Variants in MINAR2 observed in about 807,000 individuals in gnomAD.
MINAR2 encodes membrane integral NOTCH2 associated receptor 2, also known as major intrinsically disordered NOTCH2-binding receptor 1-like.
In MINAR2, 21 loss-of-function variants were observed where a neutral mutation model predicts 16.1. The ratio of observed to expected loss-of-function variants is 1.31; its 90% CI spans 0.93 to 1.88. The LOEUF is 1.88. MINAR2 is among the 40% of genes most tolerant of loss of function. The pLI, the probability that MINAR2 is intolerant of heterozygous loss-of-function variation, is 0.00. For synonymous variants in MINAR2, 86 were observed against 83.0 expected, an observed-to-expected ratio of 1.04 and a Z score of -0.20; for missense variants, 259 against 229.8, an observed-to-expected ratio of 1.13 and a Z score of -0.82.
intron 1 of MINAR2, among the ~76,000 whole-genome samples, chr5:129,754,024 C>G (rs1758023605): frequency 6.6e-6 from 1 of 152,060 alleles, no homozygotes; most frequent in Non-Finnish European, 1.5e-5. Flanking sequence ...GAATTGGCCA[C>G]GGATGGTATA....
intron 1 of MINAR2, among the ~76,000 whole-genome samples, chr5:129,756,948 A>C (rs995020409): frequency 3.4e-5 from 5 of 148,572 alleles, no homozygotes; most frequent in South Asian, 2.1e-4. Context: ...AAAAAAAAAA[A>C]AAAAAAAAAA....
At chr5:129,759,420 A>C (rs1179809775) in intron 1 of MINAR2, among the ~76,000 whole-genome samples, 1 of 152,176 alleles carries the variant, frequency 6.6e-6, no homozygotes. Flanking sequence ...TTGACCAATG[A>C]ACAAATTTTA....
At chr5:129,753,554 C>T (rs1033588357) in intron 1 of MINAR2, among the ~76,000 whole-genome samples, 2 of 150,110 alleles carry the variant, frequency 1.3e-5, no homozygotes, top group African/African-American at 2.5e-5. Context: ...GAGTTCGAGA[C>T]CAGCCTGACC....
intron 1 of MINAR2, among the ~76,000 whole-genome samples, chr5:129,753,586 T>C (rs1163805929): frequency 6.6e-6 from 1 of 151,422 alleles, no homozygotes. Context: ...ACCCCGTCTC[T>C]ACTAAAGATA....
At position 129,765,155 on chromosome 5, in the gene MINAR2, C is replaced by A; in HGVS notation, c.*92C>A. The A allele has an allele frequency of 1.5e-6, 1 of 652,894 alleles. No individual in the cohort carries two copies. The highest frequency in any genetic ancestry group is 2.2e-6 in the Non-Finnish European group (1 of 449,950). The allele number at this position is 652,894 out of a possible 1,614,324, so 40.4% of individuals were successfully genotyped here. On this transcript the variant is annotated 3_prime_UTR_variant, in exon 3 of 3. Transcript: ENST00000564719. ...CCCCCACCAAAATAACAAAAAAACA[C>A]ATGTACATGCAGTGTGAATGGATTG... is the stretch of plus-strand genomic sequence containing the variant.
intron 2 of MINAR2, chr5:129,762,494 G>T (rs564109745): frequency 1.8e-5 from 5 of 277,668 alleles, no homozygotes; most frequent in Non-Finnish European, 3.8e-5. Flanking sequence ...GTTAAATGTT[G>T]CCATAGGCTT....
Position 129,748,168 on chromosome 5 carries a change from T to G in MINAR2, c.-23T>G, listed in dbSNP as rs1385850182. The G allele has an allele frequency of 4.7e-5, 72 of 1,532,482 alleles. No homozygotes were observed. Among genetic ancestry groups the G allele is most frequent in the Non-Finnish European group, 5.9e-5 (68 of 1,144,850 alleles). The allele number at this position is 1,532,482 out of a possible 1,614,324, so 94.9% of individuals were successfully genotyped here. A position where few individuals can be genotyped will look rare whatever the true frequency, so the allele number is the denominator to read the frequency against. ...AAGAGCAGCTTTGCCTGTCTTTGTT[T>G]TCCACTGTAGGTGAAGGGAGACATG... On this transcript the variant is annotated 5_prime_UTR_variant, in exon 1 of 3. Coordinates refer to ENST00000564719, the MANE Select transcript of MINAR2 (RefSeq NM_001257308.2).
chr5:129,748,461 G>A (rs1218690671), intron 1 of MINAR2, 106 bp downstream of exon 1: 4 of 1,151,930 alleles, frequency 3.5e-6, no homozygotes, highest in Non-Finnish European at 4.7e-6. Flanking sequence ...CAGAGTACAA[G>A]GTAGCTGCTC....
chr5:129,760,702 T>A, intron 2 of MINAR2, 97 bp downstream of exon 2: 1 of 889,794 alleles, frequency 1.1e-6, no homozygotes, highest in Non-Finnish European at 1.7e-6. Context: ...TACTCTTCAC[T>A]AGGCGCAGAA....
intron 1 of MINAR2, among the ~76,000 whole-genome samples, chr5:129,754,543 C>T (rs11956778): frequency 0.076 from 11,626 of 152,046 alleles, 865 homozygotes; most frequent in African/African-American, 0.19. Context: ...CATGATGTAT[C>T]GTTTTATTTT....
intron 1 of MINAR2, among the ~76,000 whole-genome samples, chr5:129,748,958 T>C (rs1480865814): frequency 1.3e-5 from 2 of 152,190 alleles, no homozygotes; most frequent in Non-Finnish European, 1.5e-5. Context: ...GGACAAGGAA[T>C]ACCAATTAGA....
chr5:129,752,564 A>G (rs1474648913), intron 1 of MINAR2, among the ~76,000 whole-genome samples: 1 of 152,032 alleles, frequency 6.6e-6, no homozygotes, highest in African/African-American at 2.4e-5. Flanking sequence ...ACACATCAGG[A>G]CCTGTCCGGG....
intron 1 of MINAR2, among the ~76,000 whole-genome samples, chr5:129,752,986 T>C (rs552656904): frequency 9.9e-5 from 15 of 152,224 alleles, no homozygotes; most frequent in Admixed American, 9.2e-4. Context: ...TTCTAGACAA[T>C]GTCATTTACT....
chr5:129,753,092 T>G (rs1037744874), intron 1 of MINAR2, among the ~76,000 whole-genome samples: 8 of 152,014 alleles, frequency 5.3e-5, no homozygotes, highest in African/African-American at 7.2e-5. Flanking sequence ...TATCATGGGT[T>G]TTTTTTTGTG....
At chr5:129,756,269 A>G (rs1211145418) in intron 1 of MINAR2, among the ~76,000 whole-genome samples, 1 of 152,118 alleles carries the variant, frequency 6.6e-6, no homozygotes, top group Non-Finnish European at 1.5e-5. Context: ...TGTTTAATAA[A>G]GACATCCATA....
intron 1 of MINAR2, among the ~76,000 whole-genome samples, chr5:129,755,467 T>G (rs1323798745): frequency 6.6e-6 from 1 of 152,062 alleles, no homozygotes; most frequent in Non-Finnish European, 1.5e-5. Flanking sequence ...TAAATGTGTG[T>G]GTTTGGAGGA....
intron 1 of MINAR2, among the ~76,000 whole-genome samples, chr5:129,751,407 C>A (rs1231237205): frequency 6.6e-6 from 1 of 152,076 alleles, no homozygotes; most frequent in African/African-American, 2.4e-5. Context: ...TGGGGTTTCA[C>A]CATGCTGACC....
intron 2 of MINAR2, chr5:129,762,748 AAAG>A (rs1758153342): frequency 4.7e-6 from 1 of 214,992 alleles, no homozygotes; most frequent in Non-Finnish European, 1.1e-5. Context: ...AAAAAAAAAT[AAAG>A]AAGAAAAATA....
intron 1 of MINAR2, among the ~76,000 whole-genome samples, chr5:129,755,958 A>G (rs1758049567): frequency 6.6e-6 from 1 of 152,072 alleles, no homozygotes; most frequent in Non-Finnish European, 1.5e-5. Context: ...TATGCCCATA[A>G]TATTCTCTCA....
Sources: gnomAD v4.1 joint callset for allele counts (sites outside exome capture counted in the v4.1 genomes callset) on GRCh38, gnomAD v4.1.1 for gene constraint, MANE v1.5 for transcripts, NCBI Gene and HGNC (gene_info 2026-07-23, HGNC 2026-07-21) for gene names.